The following JHY variants were observed in gnomAD, a reference collection of about 807,000 sequenced individuals.
JHY encodes the protein jhy protein homolog.
JHY carries 69 observed loss-of-function variants against 78.0 expected under a neutral mutation model. That is an observed-to-expected ratio of 0.88 (90% CI 0.73 to 1.08). The LOEUF is 1.08. Among genes scored for constraint, JHY ranks in the 50% least tolerant of loss-of-function variants. The pLI is 0.00. For missense variants in JHY, 944 were observed against 927.8 expected (o/e 1.02, Z -0.23); for synonymous variants, 368 against 342.6 (o/e 1.07, Z -0.82).
chr11:122,883,537 T>G lies in JHY; in HGVS notation c.-90+565T>G, dbSNP rs2135272119. On this transcript the variant is annotated intron_variant, in intron 1 of 8. Coordinates refer to ENST00000227349, the MANE Select transcript of JHY (RefSeq NM_024806.4). This position sits in a 1 kb window ranked among gnomAD's most constrained non-coding sequence, Gnocchi z 4.4. ...ATCGGATCTATCGCTGTCTTGTTTA[T>G]TCAGGAGACTAGTCACCTCTCTTGG... Among the ~76,000 whole-genome samples the G allele has an allele frequency of 6.6e-6, 1 of 152,160 alleles. No homozygotes were observed. The highest frequency in any genetic ancestry group is 3.4e-3 in the Middle Eastern group (1 of 294).
At chr11:122,910,793 A>G (rs1244064223) in intron 3 of JHY, among the ~76,000 whole-genome samples, 1 of 152,216 alleles carries the variant, frequency 6.6e-6, no homozygotes, top group Admixed American at 6.5e-5. Flanking sequence ...GCTTGTAATT[A>G]ATGGCTTAGG....
rs528032431 is a variant in JHY at position 122,909,401 on chromosome 11, G to A, written c.864+4957G>A. Among the ~76,000 whole-genome samples, 3 of 152,292 alleles carry A rather than the reference G, an allele frequency of 2.0e-5. No homozygotes were observed. In the South Asian group the frequency reaches 6.2e-4, roughly 32 times the overall value. ...GTTGGCACTGCCACCTGCCAGCTCG[G>A]TGACGCTCTGCAAATTACTAAACCT... On this transcript the variant is annotated intron_variant, in intron 3 of 8. Coordinates refer to ENST00000227349, the MANE Select transcript of JHY (RefSeq NM_024806.4).
At chr11:122,953,298 T>C (rs1176522880) in intron 6 of JHY, among the ~76,000 whole-genome samples, 1 of 151,968 alleles carries the variant, frequency 6.6e-6, no homozygotes, top group East Asian at 1.9e-4. Context: ...AGTACTAAAA[T>C]GCTTAGAAAA....
chr11:122,904,880 G>GT (rs1862951662), intron 3 of JHY, among the ~76,000 whole-genome samples: 1 of 152,110 alleles, frequency 6.6e-6, no homozygotes, highest in African/African-American at 2.4e-5. Flanking sequence ...CATAGCAGAG[G>GT]TTTTCAACCC....
At chr11:122,928,126 C>T (rs532787208) in intron 4 of JHY, among the ~76,000 whole-genome samples, 1 of 152,286 alleles carries the variant, frequency 6.6e-6, no homozygotes, top group East Asian at 1.9e-4. Context: ...GGCTGATGCT[C>T]AGTAAATATT....
At chr11:122,925,061 A>G (rs747184314) in intron 4 of JHY, 51 bp downstream of exon 4, 10 of 1,340,754 alleles carry the variant, frequency 7.5e-6, no homozygotes, top group Non-Finnish European at 1.1e-5. Context: ...ACTGCTGAAT[A>G]TAAGTAATGA....
intron 3 of JHY, among the ~76,000 whole-genome samples, chr11:122,922,737 G>C (rs1221633428): frequency 1.3e-5 from 2 of 149,978 alleles, no homozygotes; most frequent in Admixed American, 6.7e-5. Flanking sequence ...GTGAACCCGG[G>C]AGGCGGAGCT....
chr11:122,910,282 C>T (rs1264927236), intron 3 of JHY, among the ~76,000 whole-genome samples: 4 of 152,072 alleles, frequency 2.6e-5, no homozygotes, highest in Admixed American at 2.6e-4. Context: ...TGAGACCCGC[C>T]TGACCAACAT....
chr11:122,962,731 T>A lies in JHY; in HGVS notation c.*3286T>A, dbSNP rs1864340359. On this transcript the variant is annotated 3_prime_UTR_variant, in exon 9 of 9. Coordinates refer to ENST00000227349, the MANE Select transcript of JHY (RefSeq NM_024806.4). ...ATTTTTAAATATTCCATTTGTATTATCTTAAAATAGTTTAGAGCTTGGAAA... is the reference window on the plus strand; with the variant it reads ...ATTTTTAAATATTCCATTTGTATTAACTTAAAATAGTTTAGAGCTTGGAAA... Among the ~76,000 whole-genome samples, 2 of 152,236 alleles carry A rather than the reference T, an allele frequency of 1.3e-5. No individual in the cohort carries two copies. The highest frequency in any genetic ancestry group is 6.5e-5 in the Admixed American group (1 of 15,288).
intron 5 of JHY, among the ~76,000 whole-genome samples, chr11:122,945,404 C>G (rs1187126249): frequency 6.6e-6 from 1 of 152,128 alleles, no homozygotes; most frequent in Non-Finnish European, 1.5e-5. Flanking sequence ...TTCTTAGCTT[C>G]TTTTCTCAAG....
chr11:122,900,158 C>T (rs1008770413), intron 2 of JHY, among the ~76,000 whole-genome samples: 3 of 152,122 alleles, frequency 2.0e-5, no homozygotes, highest in African/African-American at 7.2e-5. Context: ...AAAGGAGGTG[C>T]GACTTATTTC....
intron 8 of JHY, among the ~76,000 whole-genome samples, 190 bp downstream of exon 8, chr11:122,957,681 A>G (rs1864221989): frequency 1.3e-5 from 2 of 150,122 alleles, no homozygotes; most frequent in Admixed American, 6.6e-5. Context: ...CACCACACCC[A>G]GCCCGTTTTC....
chr11:122,897,006 G>A (rs1862753501), intron 2 of JHY, among the ~76,000 whole-genome samples: 1 of 152,002 alleles, frequency 6.6e-6, no homozygotes, highest in South Asian at 2.1e-4. Context: ...ACAGGCACGT[G>A]CCGCCATGCC....
chr11:122,905,456 G>A, intron 3 of JHY: 1 of 1,293,754 alleles, frequency 7.7e-7, no homozygotes, highest in African/African-American at 1.5e-5. Context: ...ATCCCAACTG[G>A]TATTTTTTTT....
chr11:122,912,824 A>G (rs1403815213), intron 3 of JHY, among the ~76,000 whole-genome samples: 1 of 152,080 alleles, frequency 6.6e-6, no homozygotes, highest in East Asian at 1.9e-4. Flanking sequence ...GGAAGCAAAC[A>G]AGGAATATAA....
chr11:122,943,921 A>G (rs1003373486), intron 5 of JHY, among the ~76,000 whole-genome samples: 6 of 152,166 alleles, frequency 3.9e-5, no homozygotes. Context: ...ACTTAAAACT[A>G]TAGGCCAGGT....
chr11:122,886,429 A>G (rs114567055), intron 2 of JHY, among the ~76,000 whole-genome samples: 14 of 152,258 alleles, frequency 9.2e-5, no homozygotes, highest in African/African-American at 3.4e-4. Flanking sequence ...CATACCATTT[A>G]CTTCCTGTCC....
At chr11:122,958,347 C>A (rs969259300) in intron 8 of JHY, among the ~76,000 whole-genome samples, 2 of 152,188 alleles carry the variant, frequency 1.3e-5, no homozygotes, top group African/African-American at 4.8e-5. Flanking sequence ...ATCATATTTT[C>A]TATTTATTGC....
At chr11:122,947,037 G>A (rs543170402) in intron 6 of JHY, 13 of 403,778 alleles carry the variant, frequency 3.2e-5, no homozygotes, top group African/African-American at 1.7e-4. Flanking sequence ...TCATCTTGGC[G>A]AGAGGTCTCC....
Sources: allele counts gnomAD v4.1 joint callset (sites outside exome capture counted in the v4.1 genomes callset), GRCh38; gene constraint gnomAD v4.1.1; non-coding constraint Gnocchi (gnomAD v3.1); transcripts MANE v1.5; gene names NCBI Gene and HGNC (gene_info 2026-07-23, HGNC 2026-07-21).